The following IGSF3 variants were observed in gnomAD, a reference collection of about 807,000 sequenced individuals.
The protein encoded by IGSF3 is immunoglobulin superfamily member 3.
IGSF3 carries 23 observed loss-of-function variants against 114.4 expected under a neutral mutation model. The ratio of observed to expected loss-of-function variants is 0.20; its 90% CI spans 0.14 to 0.28. IGSF3 has a LOEUF of 0.28. Among genes scored for constraint, IGSF3 ranks in the 10% least tolerant of loss-of-function variants. The pLI is 1.00. For missense variants in IGSF3, 1,172 were observed against 1,591.5 expected (o/e 0.74, Z 4.48); for synonymous variants, 571 against 645.2 (o/e 0.88, Z 1.74).
intron 2 of IGSF3, 90 bp downstream of exon 2, chr1:116,666,194 G>T: frequency 8.0e-7 from 1 of 1,250,664 alleles, no homozygotes; most frequent in Non-Finnish European, 1.2e-6. Flanking sequence ...CCAAATCCTA[G>T]TGTTGATGAA....
chr1:116,618,292 T>A lies in IGSF3; in HGVS notation c.44-1835A>T, dbSNP rs1661291800. On this transcript the variant is annotated intron_variant, in intron 2 of 10. Transcript: ENST00000369486. The surrounding 1 kb of genome is among the most constrained non-coding windows in gnomAD (Gnocchi z 4.7). ...TCTGAATTTATTTGATATATTCTGG[T>A]TGATGGCATTAATTATGATATTTAA... 1.3e-5 allele frequency among the ~76,000 whole-genome samples: 2 copies of A among 152,374 alleles called. No homozygotes were observed. The highest frequency in any genetic ancestry group is 4.1e-4 in the South Asian group (2 of 4,830).
chr1:116,644,851 G>C lies in IGSF3; in HGVS notation c.43+21433C>G, dbSNP rs907218738. On this transcript the variant is annotated intron_variant, in intron 2 of 10. Transcript: ENST00000369486. The surrounding 1 kb of genome is among the most constrained non-coding windows in gnomAD (Gnocchi z 5.6). Reference sequence around the variant, plus strand: ...AGCAATTCCCACCTCAGCAGCCAGTGACACTACGATATAGGGAAAAGAACC... The same window carrying C: ...AGCAATTCCCACCTCAGCAGCCAGTCACACTACGATATAGGGAAAAGAACC... Among the ~76,000 whole-genome samples the C allele has an allele frequency of 1.3e-5, 2 of 152,224 alleles. No individual in the cohort carries two copies. The highest frequency in any genetic ancestry group is 4.8e-5 in the African/African-American group (2 of 41,454).
In IGSF3 at chr1:116,588,556, G is replaced by C. The variant is rs567868112; in HGVS notation, c.2440+138C>G. 59 of 768,064 alleles carry C rather than the reference G, an allele frequency of 7.7e-5. No individual in the cohort carries two copies. In the South Asian group the frequency reaches 1.1e-3, roughly 14 times the overall value. The allele number at this position is 768,064 out of a possible 1,614,324, so 47.6% of individuals were successfully genotyped here. A position where few individuals can be genotyped will look rare whatever the true frequency, so the allele number is the denominator to read the frequency against. On this transcript the variant is annotated intron_variant, in intron 8 of 10. Coordinates refer to ENST00000369486, the MANE Select transcript of IGSF3 (RefSeq NM_001007237.3). The surrounding 1 kb of genome is among the most constrained non-coding windows in gnomAD (Gnocchi z 4.9). ...GGGATTGCAGTGTGCTAGGGTGATG[G>C]TCCGTGTACCTGCACCCATACTCAG... is the stretch of plus-strand genomic sequence containing the variant.
Position 116,576,793 on chromosome 1 carries a change from C to T in IGSF3, c.*519G>A, listed in dbSNP as rs1370972425. The T allele has an allele frequency of 6.5e-6, 1 of 153,284 alleles. No homozygotes were observed. The highest frequency in any genetic ancestry group is 1.5e-5 in the Non-Finnish European group (1 of 68,600). 9.5% of individuals were successfully genotyped at this position (153,284 alleles called of 1,614,324 possible). A position where few individuals can be genotyped will look rare whatever the true frequency, so the allele number is the denominator to read the frequency against. ...TAAGTCTTGTTAAGAAAGTAAAAAA[C>T]GTTTGGGTATATTTTGATCCATGGG... On this transcript the variant is annotated 3_prime_UTR_variant, in exon 11 of 11. Transcript: ENST00000369486. This position sits in a 1 kb window ranked among gnomAD's most constrained non-coding sequence, Gnocchi z 4.6.
chr1:116,651,154 G>A lies in IGSF3; in HGVS notation c.43+15130C>T, dbSNP rs1648619647. On this transcript the variant is annotated intron_variant, in intron 2 of 10. Transcript: ENST00000369486. The surrounding 1 kb of genome is among the most constrained non-coding windows in gnomAD (Gnocchi z 4.4). ...ACAGACTCACACAAATCTGTGGAAT[G>A]AGTGCATGATCTCATGAGCTCTGGT... 6.6e-6 allele frequency among the ~76,000 whole-genome samples: 1 copy of A among 152,238 alleles called. No individual in the cohort carries two copies. Among genetic ancestry groups the A allele is most frequent in the African/African-American group, 2.4e-5 (1 of 41,462 alleles).
At chr1:116,617,848 C>T (rs1391118348) in intron 2 of IGSF3, among the ~76,000 whole-genome samples, 1 of 152,248 alleles carries the variant, frequency 6.6e-6, no homozygotes, top group Non-Finnish European at 1.5e-5. Context: ...TGCTTAAGGA[C>T]ATTTCAATGG....
In IGSF3 at chr1:116,665,495, G is replaced by A. The variant is rs1649292868; in HGVS notation, c.43+789C>T. Among the ~76,000 whole-genome samples, 1 of 152,250 alleles carries A rather than the reference G, an allele frequency of 6.6e-6. No individual in the cohort carries two copies. The highest frequency in any genetic ancestry group is 2.1e-4 in the South Asian group (1 of 4,820). On this transcript the variant is annotated intron_variant, in intron 2 of 10. Transcript: ENST00000369486. The surrounding 1 kb of genome is among the most constrained non-coding windows in gnomAD (Gnocchi z 4.0). ...CAGCACGCTGAAGACAGTGCTCAAT[G>A]GCATAAAAAGAATAGGCAATTGTTG...
In IGSF3 at chr1:116,579,460, G is replaced by A; in HGVS notation, c.3266C>T (p.Pro1089Leu). 1 of 1,613,126 alleles carries A rather than the reference G, an allele frequency of 6.2e-7. No homozygotes were observed. The change falls in exon 10 of 11, where the codon CCT becomes CTT. Residue 1089 changes from proline (P) to leucine (L), a missense_variant. By Grantham distance (98) the Pro-to-Leu change is moderately conservative. This residue lies in a region of IGSF3 where 423 missense variants were observed against 509.8 expected (regional missense o/e 0.83). Transcript: ENST00000369486. The surrounding 1 kb of genome is among the most constrained non-coding windows in gnomAD (Gnocchi z 6.4). ...CGTCAGCCGGTACCATTCCTTCTGAGGGCTGGGCAGCCACTCCTCCACATG... is the reference window on the plus strand; with the variant it reads ...CGTCAGCCGGTACCATTCCTTCTGAAGGCTGGGCAGCCACTCCTCCACATG... ...SCHVEEWLPS[P>L]QKEWYRLTEE...
rs1294112782 is a variant in IGSF3, at chr1:116,615,708, G to C, written c.421+372C>G. On this transcript the variant is annotated intron_variant, in intron 3 of 10. Coordinates refer to ENST00000369486, the MANE Select transcript of IGSF3 (RefSeq NM_001007237.3). The surrounding 1 kb of genome is among the most constrained non-coding windows in gnomAD (Gnocchi z 4.3). ...CCGTGGGTCTCAGAGCTGCCCAAAG[G>C]CCTATCCTTCTGAGAGGTTTCTCCT... Among the ~76,000 whole-genome samples, 2 of 152,170 alleles carry C rather than the reference G, an allele frequency of 1.3e-5. No homozygotes were observed. The highest frequency in any genetic ancestry group is 2.9e-5 in the Non-Finnish European group (2 of 68,026).
rs1312034137 is a variant in IGSF3 at position 116,654,709 on chromosome 1, C to G, written c.43+11575G>C. ...ATGTGATTTCTCTATTTCTATTTCT[C>G]TTTTGTTTGGGCTTCCTAGAAATTC... On this transcript the variant is annotated intron_variant, in intron 2 of 10. Transcript: ENST00000369486. The surrounding 1 kb of genome is among the most constrained non-coding windows in gnomAD (Gnocchi z 4.4). Among the ~76,000 whole-genome samples the G allele has an allele frequency of 6.6e-6, 1 of 152,180 alleles. No individual in the cohort carries two copies. The highest frequency in any genetic ancestry group is 1.5e-5 in the Non-Finnish European group (1 of 68,034).
rs995624329 is a variant in IGSF3 at position 116,575,640 on chromosome 1, C to T, written c.*1672G>A. ...ATGACTTTTTCCAAACTGTGACCCCCTCTTGGGATTCAGGATGTAAGTTCC... is the reference window on the plus strand; with the variant it reads ...ATGACTTTTTCCAAACTGTGACCCCTTCTTGGGATTCAGGATGTAAGTTCC... On this transcript the variant is annotated 3_prime_UTR_variant, in exon 11 of 11. Coordinates refer to ENST00000369486, the MANE Select transcript of IGSF3 (RefSeq NM_001007237.3). This position sits in a 1 kb window ranked among gnomAD's most constrained non-coding sequence, Gnocchi z 5.6. The T allele has an allele frequency of 6.6e-6, 1 of 152,252 alleles. No individual in the cohort carries two copies. The highest frequency in any genetic ancestry group is 1.5e-5 in the Non-Finnish European group (1 of 68,060). 9.4% of individuals were successfully genotyped at this position (152,252 alleles called of 1,614,324 possible).
At chr1:116,619,119 A>G (rs952974234) in intron 2 of IGSF3, among the ~76,000 whole-genome samples, 6 of 152,176 alleles carry the variant, frequency 3.9e-5, no homozygotes, top group African/African-American at 9.7e-5. Flanking sequence ...CTCAAATGAA[A>G]TATCTTAAGG....
At position 116,613,914 on chromosome 1, in the gene IGSF3, G is replaced by T. The variant is rs765238223; in HGVS notation, c.683C>A (p.Thr228Asn). 22 of 1,613,816 alleles carry T rather than the reference G, an allele frequency of 1.4e-5. No individual in the cohort carries two copies. The highest frequency in any genetic ancestry group is 1.8e-5 in the Non-Finnish European group (21 of 1,179,862). Residue 228 changes from threonine to asparagine, a missense_variant, in exon 4 of 11, where the codon ACC (threonine) becomes AAC (asparagine). Thr to Asn is a moderately conservative substitution (Grantham distance 65, BLOSUM62 0). Coordinates refer to ENST00000369486, the MANE Select transcript of IGSF3 (RefSeq NM_001007237.3). ...EVRLDKLGRT[T>N]FRLTIFHLQP... ...CAGGTGGAAGATGGTGAGGCGGAAG[G>T]TGGTCCTCCCCAGCTTGTCCAGCCG...
At position 116,588,146 on chromosome 1, in the gene IGSF3, G is replaced by A. The variant is rs1659932823; in HGVS notation, c.2440+548C>T. On this transcript the variant is annotated intron_variant, in intron 8 of 10. Coordinates refer to ENST00000369486, the MANE Select transcript of IGSF3 (RefSeq NM_001007237.3). This position sits in a 1 kb window ranked among gnomAD's most constrained non-coding sequence, Gnocchi z 4.9. ...CCTCCCTGGAAGCATTCTGGCAGAG[G>A]TTGAGTGCCACCTGTGAGGGAGAGG... Among the ~76,000 whole-genome samples the A allele has an allele frequency of 6.6e-6, 1 of 152,188 alleles. No individual in the cohort carries two copies. The highest frequency in any genetic ancestry group is 2.1e-4 in the South Asian group (1 of 4,832).
chr1:116,580,064 A>C (rs1659536336), intron 9 of IGSF3, among the ~76,000 whole-genome samples, 187 bp from the exon 10 acceptor site: 1 of 152,220 alleles, frequency 6.6e-6, no homozygotes, highest in African/African-American at 2.4e-5. Flanking sequence ...AGAGTACAGA[A>C]CAATGTTACT....
rs940232044 is a variant in IGSF3 at position 116,625,291 on chromosome 1, G to A, written c.44-8834C>T. Among the ~76,000 whole-genome samples the A allele has an allele frequency of 2.6e-5, 4 of 152,196 alleles. No individual in the cohort carries two copies. Among genetic ancestry groups the A allele is most frequent in the African/African-American group, 9.7e-5 (4 of 41,448 alleles). On this transcript the variant is annotated intron_variant, in intron 2 of 10. Coordinates refer to ENST00000369486, the MANE Select transcript of IGSF3 (RefSeq NM_001007237.3). This position sits in a 1 kb window ranked among gnomAD's most constrained non-coding sequence, Gnocchi z 4.7. ...ATACAATAGCAGTGAGGTGCAAAGTGCAAGGTTAAGCCCTTTCAGAAAGTG... is the reference window on the plus strand; with the variant it reads ...ATACAATAGCAGTGAGGTGCAAAGTACAAGGTTAAGCCCTTTCAGAAAGTG...
rs374196028 is a variant in IGSF3, at chr1:116,645,507, T to C, written c.43+20777A>G. ...TGAGTTCCGTTGTATGTAAGCAAAT[T>C]ATACCACAATGAAGCAAATCTTTAA... is the stretch of plus-strand genomic sequence containing the variant. On this transcript the variant is annotated intron_variant, in intron 2 of 10. Coordinates refer to ENST00000369486, the MANE Select transcript of IGSF3 (RefSeq NM_001007237.3). 3.9e-5 allele frequency among the ~76,000 whole-genome samples: 6 copies of C among 152,352 alleles called. 1 individual carries two copies. The highest frequency in any genetic ancestry group is 1.2e-4 in the African/African-American group (5 of 41,578).
rs545838928 is a variant in IGSF3, at chr1:116,595,019, C to G, written c.2029+4922G>C. Among the ~76,000 whole-genome samples, 212 of 152,238 alleles carry G rather than the reference C, an allele frequency of 1.4e-3. 16 individuals are homozygous for G. Among genetic ancestry groups the G allele is most frequent in the South Asian group, 4.4e-3 (21 of 4,818 alleles). On this transcript the variant is annotated intron_variant, in intron 7 of 10. Transcript: ENST00000369486. This position sits in a 1 kb window ranked among gnomAD's most constrained non-coding sequence, Gnocchi z 4.2. ...TCCCACAGAGCCCGCAAGGCAGGAA[C>G]GTGACACACCCATCTCAGCAGCCTC...
At position 116,618,590 on chromosome 1, in the gene IGSF3, A is replaced by C. The variant is rs1317995449; in HGVS notation, c.44-2133T>G. Among the ~76,000 whole-genome samples, 1 of 152,170 alleles carries C rather than the reference A, an allele frequency of 6.6e-6. No individual in the cohort carries two copies. The highest frequency in any genetic ancestry group is 2.4e-5 in the African/African-American group (1 of 41,436). ...TCCATAATAAAATATATAAATGAAA[A>C]TATATATCCCATCTAGGTTTGTTGA... On this transcript the variant is annotated intron_variant, in intron 2 of 10. Coordinates refer to ENST00000369486, the MANE Select transcript of IGSF3 (RefSeq NM_001007237.3). The surrounding 1 kb of genome is among the most constrained non-coding windows in gnomAD (Gnocchi z 4.7).
Sources: gnomAD v4.1 joint callset for allele counts (sites outside exome capture counted in the v4.1 genomes callset) on GRCh38, gnomAD v4.1.1 for gene constraint, gnomAD v4.1.1 regional missense constraint, Gnocchi (gnomAD v3.1) non-coding constraint, MANE v1.5 for transcripts, NCBI Gene and HGNC (gene_info 2026-07-23, HGNC 2026-07-21) for gene names.